The following FILIP1L variants were observed in gnomAD, a reference collection of about 807,000 sequenced individuals.
The protein encoded by FILIP1L is filamin A interacting protein 1 like.
In FILIP1L, 55 loss-of-function variants were observed where a neutral mutation model predicts 96.6. The ratio of observed to expected loss-of-function variants is 0.57; its 90% confidence interval spans 0.46 to 0.71. The LOEUF is 0.71. FILIP1L is among the 30% of genes least tolerant of loss of function. The pLI is 0.00. For missense variants in FILIP1L, 1,304 were observed against 1,321.2 expected (o/e 0.99, Z 0.20); for synonymous variants, 467 against 473.9 (o/e 0.99, Z 0.19).
At chr3:100,040,896 T>C (rs898977704) in intron 1 of FILIP1L, 1 of 152,122 alleles carries the variant, frequency 6.6e-6, no homozygotes, top group Non-Finnish European at 1.5e-5. Context: ...TTTGAAAAAA[T>C]GGTTTCTTTG....
chr3:99,993,060 G>A (rs7634628), intron 1 of FILIP1L, among the ~76,000 whole-genome samples: 120,898 of 151,836 alleles, frequency 0.8, 48,349 homozygotes, highest in East Asian at 0.88. Flanking sequence ...TATTTTGGTT[G>A]CTATAGTCTT....
intron 1 of FILIP1L, among the ~76,000 whole-genome samples, chr3:100,050,818 C>G (rs1331805813): frequency 6.6e-6 from 1 of 152,170 alleles, no homozygotes; most frequent in African/African-American, 2.4e-5. Context: ...GCATGAACCA[C>G]CGCACCCAGC....
intron 1 of FILIP1L, 78 bp from the exon 2 acceptor site, chr3:99,931,108 G>C: frequency 8.3e-7 from 1 of 1,206,658 alleles, no homozygotes; most frequent in Non-Finnish European, 1.2e-6. Flanking sequence ...GCTTTAACAA[G>C]TCTACATTCT....
At chr3:99,887,700 C>G (rs752610134) in intron 4 of FILIP1L, among the ~76,000 whole-genome samples, 8 of 152,162 alleles carry the variant, frequency 5.3e-5, no homozygotes, top group Non-Finnish European at 8.8e-5. Flanking sequence ...TGAAATGGAA[C>G]TGGGAATACC....
At chr3:99,943,934 G>A (rs1262149317) in intron 1 of FILIP1L, among the ~76,000 whole-genome samples, 1 of 152,092 alleles carries the variant, frequency 6.6e-6, no homozygotes, top group Non-Finnish European at 1.5e-5. Context: ...GTTATTGGGA[G>A]GATTAGAGAT....
intron 1 of FILIP1L, among the ~76,000 whole-genome samples, chr3:100,023,006 G>A (rs952450047): frequency 9.9e-5 from 15 of 152,152 alleles, no homozygotes; most frequent in South Asian, 8.3e-4. Context: ...TTTGCCTGCT[G>A]TTAGAGTAGC....
intron 1 of FILIP1L, among the ~76,000 whole-genome samples, chr3:99,983,795 G>A (rs149575723): frequency 0.012 from 1,873 of 151,650 alleles, 31 homozygotes; most frequent in African/African-American, 0.042. Context: ...TAGCTAGCAA[G>A]AAAAGTAAAA....
chr3:99,840,221 C>CTTTTTT lies in FILIP1L; in HGVS notation c.3381+8068_3381+8073dup, dbSNP rs10935982. 9.8e-5 allele frequency among the ~76,000 whole-genome samples: 10 copies of CTTTTTT among 102,138 alleles called. 1 individual carries two copies. The highest frequency in any genetic ancestry group is 2.7e-4 in the African/African-American group (7 of 26,028). The allele number at this position is 102,138 out of a possible 152,430, so 67.0% of individuals were successfully genotyped here. On this transcript the variant is annotated intron_variant, in intron 5 of 5. Transcript: ENST00000477258. Reference sequence around the variant, plus strand: ...GGTAAAAGAAATTAATTCGTAGAATCTTTTTTTTTTTTTTTTTTTTTTGAG... The same window carrying CTTTTTT: ...GGTAAAAGAAATTAATTCGTAGAATCTTTTTTTTTTTTTTTTTTTTTTTTTTTTGAG...
At chr3:100,087,893 A>G (rs566266690) in intron 1 of FILIP1L, among the ~76,000 whole-genome samples, 37 of 148,584 alleles carry the variant, frequency 2.5e-4, no homozygotes, top group African/African-American at 9.0e-4. Context: ...TGCAGTGGCA[A>G]GATCTCGACT....
chr3:99,908,730 G>A (rs1466123447), intron 4 of FILIP1L, among the ~76,000 whole-genome samples: 1 of 152,128 alleles, frequency 6.6e-6, no homozygotes, highest in African/African-American at 2.4e-5. Flanking sequence ...ACTGTGCTTA[G>A]CACAGTGTTT....
intron 1 of FILIP1L, among the ~76,000 whole-genome samples, chr3:99,981,395 C>T (rs1336238752): frequency 1.3e-5 from 2 of 152,142 alleles, no homozygotes; most frequent in African/African-American, 2.4e-5. Flanking sequence ...CCATGTGTGT[C>T]ACAGCATCCA....
chr3:99,948,594 GAA>G (rs1402968084), intron 1 of FILIP1L, among the ~76,000 whole-genome samples: 2 of 144,440 alleles, frequency 1.4e-5, no homozygotes, highest in South Asian at 2.3e-4. Context: ...GAGGGAGAGA[GAA>G]AGAGAGGGGA....
At chr3:99,857,696 C>T (rs576495540) in intron 4 of FILIP1L, among the ~76,000 whole-genome samples, 16 of 152,292 alleles carry the variant, frequency 1.1e-4, no homozygotes, top group South Asian at 4.1e-4. Flanking sequence ...AGCAATAAAA[C>T]GAATTCCACA....
intron 1 of FILIP1L, among the ~76,000 whole-genome samples, chr3:99,994,483 C>G (rs777637480): frequency 6.6e-6 from 1 of 152,052 alleles, no homozygotes; most frequent in African/African-American, 2.4e-5. Context: ...ACATGTTAGG[C>G]CACAAAACAA....
chr3:99,871,965 T>G (rs1187145554), intron 4 of FILIP1L, among the ~76,000 whole-genome samples: 1 of 152,230 alleles, frequency 6.6e-6, no homozygotes, highest in African/African-American at 2.4e-5. Flanking sequence ...TTGCTTATAC[T>G]TAAGAACTTT....
At position 99,975,596 on chromosome 3, in the gene FILIP1L, A is replaced by T. The variant is rs1708946769; in HGVS notation, c.-10-44566T>A. Among the ~76,000 whole-genome samples the T allele has an allele frequency of 7.2e-5, 11 of 152,180 alleles. No individual in the cohort carries two copies. The South Asian group carries it at 2.3e-3, about 32-fold the overall frequency. On this transcript the variant is annotated intron_variant, in intron 1 of 5. Transcript: ENST00000477258. ...ATGAGACTCCGTCTCAAAAAAAAAA[A>T]AAATTGATACTTCATGTGGAAATAA...
chr3:99,911,564 C>A (rs1339420127), intron 4 of FILIP1L, among the ~76,000 whole-genome samples: 2 of 152,012 alleles, frequency 1.3e-5, no homozygotes, highest in Non-Finnish European at 2.9e-5. Flanking sequence ...TACTCATCCT[C>A]ACCCGAGGCT....
At chr3:99,859,136 A>G (rs1024030209) in intron 4 of FILIP1L, among the ~76,000 whole-genome samples, 4 of 152,226 alleles carry the variant, frequency 2.6e-5, no homozygotes, top group Non-Finnish European at 5.9e-5. Context: ...GGAAACCACT[A>G]AGTTGCCTGG....
intron 3 of FILIP1L, among the ~76,000 whole-genome samples, chr3:99,927,473 G>T (rs545382207): frequency 6.6e-6 from 1 of 151,618 alleles, no homozygotes; most frequent in Admixed American, 6.6e-5. Context: ...GGGTTCAAGC[G>T]ATTCACCTGC....
Sources: allele counts gnomAD v4.1 joint callset (sites outside exome capture counted in the v4.1 genomes callset), GRCh38; gene constraint gnomAD v4.1.1; transcripts MANE v1.5; gene names NCBI Gene and HGNC (gene_info 2026-07-23, HGNC 2026-07-21).